Variants in LMBR1 observed in about 807,000 individuals in gnomAD.
The protein encoded by LMBR1 is limb development membrane protein 1, also known as limb region 1 protein homolog.
In LMBR1, 52 loss-of-function variants were observed where a neutral mutation model predicts 73.9. That is an observed-to-expected ratio of 0.70 (90% confidence interval 0.56 to 0.89). LMBR1 has a LOEUF of 0.89. LMBR1 is among the 40% of genes least tolerant of loss of function. The pLI, the probability that LMBR1 is intolerant of heterozygous loss-of-function variation, is 0.00. For synonymous variants in LMBR1, 215 were observed against 209.4 expected (o/e 1.03, Z -0.23); for missense variants, 539 against 579.8 (o/e 0.93, Z 0.72).
At chr7:156,676,233 G>A, downstream of LMBR1, 2 of 1,496,456 alleles carry the variant, frequency 1.3e-6, no homozygotes, top group Non-Finnish European at 8.9e-7. Context: ...GAGTAACAGA[G>A]TATATGTGTG....
At chr7:156,806,834 A>G (rs988729115) in intron 4 of LMBR1, among the ~76,000 whole-genome samples, 2 of 151,246 alleles carry the variant, frequency 1.3e-5, no homozygotes, top group Admixed American at 1.3e-4. Context: ...CTGGTCTCGA[A>G]CTCCTGACCT....
intron 1 of LMBR1, among the ~76,000 whole-genome samples, chr7:156,873,464 C>A (rs1799650539): frequency 6.6e-6 from 1 of 152,124 alleles, no homozygotes; most frequent in Non-Finnish European, 1.5e-5. Context: ...GGAAGGTGAC[C>A]CGAGCGGGTT....
At chr7:156,860,355 A>T (rs1040434213) in intron 1 of LMBR1, among the ~76,000 whole-genome samples, 2 of 152,124 alleles carry the variant, frequency 1.3e-5, no homozygotes, top group African/African-American at 4.8e-5. Flanking sequence ...ATCTCATGAG[A>T]CTTATTCACT....
intron 15 of LMBR1, among the ~76,000 whole-genome samples, chr7:156,701,956 T>C (rs888051051): frequency 6.6e-6 from 1 of 152,214 alleles, no homozygotes; most frequent in African/African-American, 2.4e-5. Context: ...AAGGACATGA[T>C]CTTGTTCCTT....
Position 156,678,864 on chromosome 7 carries a change from G to A in LMBR1, c.*5214C>T, listed in dbSNP as rs868559761. ...ATTAGGAGCCTACCATTCCATGGGCGGGGGGAATCATTAAATCACTATCAA... is the reference window on the plus strand; with the variant it reads ...ATTAGGAGCCTACCATTCCATGGGCAGGGGGAATCATTAAATCACTATCAA... On this transcript the variant is annotated 3_prime_UTR_variant, in exon 17 of 17. Coordinates refer to ENST00000353442, the MANE Select transcript of LMBR1 (RefSeq NM_022458.4). The A allele has an allele frequency of 1.3e-5, 2 of 152,122 alleles. No homozygotes were observed. Among genetic ancestry groups the A allele is most frequent in the Admixed American group, 6.5e-5 (1 of 15,272 alleles). The allele number at this position is 152,122 out of a possible 1,614,324, so 9.4% of individuals were successfully genotyped here.
At chr7:156,846,940 C>A (rs1795567685) in intron 1 of LMBR1, among the ~76,000 whole-genome samples, 1 of 152,102 alleles carries the variant, frequency 6.6e-6, no homozygotes, top group Admixed American at 6.5e-5. Flanking sequence ...TGAAACATCA[C>A]ACTATACCCC....
chr7:156,840,824 G>T (rs1438857933), intron 1 of LMBR1, among the ~76,000 whole-genome samples: 1 of 151,222 alleles, frequency 6.6e-6, no homozygotes, highest in Non-Finnish European at 1.5e-5. Context: ...AATTAGCCGG[G>T]CGTCGTGGCG....
intron 5 of LMBR1, among the ~76,000 whole-genome samples, chr7:156,773,567 G>A (rs111503191): frequency 0.038 from 5,789 of 152,058 alleles, 167 homozygotes; most frequent in Non-Finnish European, 0.059. Context: ...CCATCTGAAC[G>A]TCAACAAAGT....
chr7:156,883,344 A>G (rs1801389817), intron 1 of LMBR1, among the ~76,000 whole-genome samples: 1 of 152,106 alleles, frequency 6.6e-6, no homozygotes, highest in East Asian at 1.9e-4. Context: ...GGCTGCAGTG[A>G]GCCAAGATCA....
intron 1 of LMBR1, among the ~76,000 whole-genome samples, chr7:156,865,086 C>T (rs1407949102): frequency 2.6e-5 from 4 of 150,996 alleles, no homozygotes; most frequent in African/African-American, 7.3e-5. Context: ...GCAGGAGGAT[C>T]GCTTGAGCTC....
intron 1 of LMBR1, among the ~76,000 whole-genome samples, chr7:156,891,285 CAT>C (rs1254621725): frequency 2.9e-5 from 4 of 138,660 alleles, no homozygotes; most frequent in Non-Finnish European, 6.1e-5. Flanking sequence ...TATATATACA[CAT>C]ATATATATTC....
chr7:156,800,482 C>CAAAAGAAAAAA (rs1830759691), intron 4 of LMBR1, among the ~76,000 whole-genome samples: 1 of 81,034 alleles, frequency 1.2e-5, no homozygotes, highest in Non-Finnish European at 2.4e-5. Context: ...ACTTGCTACT[C>CAAAAGAAAAAA]AAAAAAAAAA....
chr7:156,706,556 G>A (rs116816959), intron 15 of LMBR1, among the ~76,000 whole-genome samples: 211 of 151,946 alleles, frequency 1.4e-3, no homozygotes, highest in African/African-American at 4.7e-3. Context: ...TCAATATCAC[G>A]AAATCAATAC....
intron 4 of LMBR1, 114 bp from the exon 5 acceptor site, chr7:156,796,606 TA>T (rs1670301047): frequency 1.8e-6 from 1 of 559,496 alleles, no homozygotes; most frequent in Non-Finnish European, 3.0e-6. Context: ...ACAAATGACC[TA>T]AACTTAGAAA....
At chr7:156,786,210 A>AAGGAAGGAGGAAGGGAAGAGAAGG (rs1277415985) in intron 5 of LMBR1, among the ~76,000 whole-genome samples, 1 of 136,900 alleles carries the variant, frequency 7.3e-6, no homozygotes, top group African/African-American at 2.8e-5. Context: ...AAGGGAAGGG[A>AAGGAAGGAGGAAGGGAAGAGAAGG]AGGAAGGAGG....
chr7:156,700,613 C>G (rs141255346), intron 15 of LMBR1, among the ~76,000 whole-genome samples: 139 of 152,224 alleles, frequency 9.1e-4, no homozygotes, highest in African/African-American at 3.3e-3. Context: ...CACCTGAGAC[C>G]ACCTCAGCCT....
intron 2 of LMBR1, 53 bp downstream of exon 2, chr7:156,836,760 C>A: frequency 8.6e-7 from 1 of 1,163,392 alleles, no homozygotes. Context: ...ATATACCATG[C>A]CTAGACCATG....
At chr7:156,779,537 C>A in intron 5 of LMBR1, 1 of 277,372 alleles carries the variant, frequency 3.6e-6, no homozygotes, top group South Asian at 4.9e-5. Flanking sequence ...TAAATGGGAA[C>A]TAAATGGATA....
chr7:156,678,850 A>C lies in LMBR1; in HGVS notation c.*5228T>G, dbSNP rs1804518808. 1 of 152,182 alleles carries C rather than the reference A, an allele frequency of 6.6e-6. No homozygotes were observed. Among genetic ancestry groups the C allele is most frequent in the South Asian group, 2.1e-4 (1 of 4,832 alleles). The allele number at this position is 152,182 out of a possible 1,614,324, so 9.4% of individuals were successfully genotyped here. ...TTTAAATCCACTTAATTAGGAGCCTACCATTCCATGGGCGGGGGGAATCAT... is the reference window on the plus strand; with the variant it reads ...TTTAAATCCACTTAATTAGGAGCCTCCCATTCCATGGGCGGGGGGAATCAT... On this transcript the variant is annotated 3_prime_UTR_variant, in exon 17 of 17. Coordinates refer to ENST00000353442, the MANE Select transcript of LMBR1 (RefSeq NM_022458.4).
Sources: gnomAD v4.1 joint callset for allele counts (sites outside exome capture counted in the v4.1 genomes callset) on GRCh38, gnomAD v4.1.1 for gene constraint, MANE v1.5 for transcripts, NCBI Gene and HGNC (gene_info 2026-07-23, HGNC 2026-07-21) for gene names.